The following PARD3B variants were observed in gnomAD, a reference collection of about 807,000 sequenced individuals.
PARD3B encodes partitioning defective 3 homolog B.
PARD3B carries 103 observed loss-of-function variants against 130.2 expected under a neutral mutation model. That is an observed-to-expected ratio of 0.79 (90% CI 0.67 to 0.93). The LOEUF is 0.93. PARD3B is among the 40% of genes least tolerant of loss of function. PARD3B has a pLI of 0.00. For synonymous variants in PARD3B, 583 were observed against 553.2 expected (o/e 1.05, Z -0.76); for missense variants, 1,609 against 1,499.2 (o/e 1.07, Z -1.21).
chr2:205,200,779 TAG>T (rs2036945798), intron 15 of PARD3B, among the ~76,000 whole-genome samples: 2 of 152,136 alleles, frequency 1.3e-5, no homozygotes. Flanking sequence ...CAAATTCAGG[TAG>T]AGAGAATGAC....
At chr2:205,335,946 C>G (rs940613444) in intron 18 of PARD3B, among the ~76,000 whole-genome samples, 1 of 152,230 alleles carries the variant, frequency 6.6e-6, no homozygotes, top group East Asian at 1.9e-4. Context: ...ATTCAATCAC[C>G]TCCCGCCAGT....
At chr2:204,982,879 T>G (rs1185615974) in intron 3 of PARD3B, among the ~76,000 whole-genome samples, 1 of 152,226 alleles carries the variant, frequency 6.6e-6, no homozygotes, top group East Asian at 1.9e-4. Flanking sequence ...GAGCTTGTCT[T>G]TTTTGTCTGA....
chr2:205,088,481 A>G (rs1701878818), intron 4 of PARD3B, among the ~76,000 whole-genome samples: 1 of 152,184 alleles, frequency 6.6e-6, no homozygotes, highest in Non-Finnish European at 1.5e-5. Context: ...TTGAAAAATA[A>G]TGGGAAAGAA....
chr2:205,088,496 A>G (rs1701880516), intron 4 of PARD3B, among the ~76,000 whole-genome samples: 1 of 152,158 alleles, frequency 6.6e-6, no homozygotes, highest in African/African-American at 2.4e-5. Context: ...AAAGAAAACC[A>G]AGCAGTTTTG....
At chr2:205,252,294 G>C (rs370401944) in intron 16 of PARD3B, among the ~76,000 whole-genome samples, 1 of 152,108 alleles carries the variant, frequency 6.6e-6, no homozygotes, top group Non-Finnish European at 1.5e-5. Flanking sequence ...CACAGATATT[G>C]TGTTAAGTGC....
chr2:204,922,309 G>C (rs977470346), intron 2 of PARD3B, among the ~76,000 whole-genome samples: 2 of 152,064 alleles, frequency 1.3e-5, no homozygotes, highest in African/African-American at 4.8e-5. Flanking sequence ...GGGAAAAGTT[G>C]TACCAAAGTG....
chr2:205,598,285 T>C (rs1208907828), intron 22 of PARD3B, among the ~76,000 whole-genome samples: 1 of 151,346 alleles, frequency 6.6e-6, no homozygotes, highest in African/African-American at 2.4e-5. Context: ...ATCTTGCAAA[T>C]GGAAAACAGA....
chr2:204,671,963 A>G (rs568527323), intron 1 of PARD3B, among the ~76,000 whole-genome samples: 24 of 152,296 alleles, frequency 1.6e-4, no homozygotes, highest in East Asian at 3.9e-4. Flanking sequence ...TTATTTTTCT[A>G]TAATTTTTAG....
chr2:205,532,402 G>A (rs549329093), intron 21 of PARD3B, among the ~76,000 whole-genome samples: 10 of 152,226 alleles, frequency 6.6e-5, no homozygotes, highest in African/African-American at 2.4e-4. Context: ...ACTCCAGAAG[G>A]GGTGTGGAAA....
At chr2:204,650,702 A>G (rs550541626) in intron 1 of PARD3B, among the ~76,000 whole-genome samples, 1 of 152,148 alleles carries the variant, frequency 6.6e-6, no homozygotes, top group Admixed American at 6.6e-5. Context: ...AATGATGACA[A>G]CTGTATCAGT....
intron 1 of PARD3B, among the ~76,000 whole-genome samples, chr2:204,614,176 A>G (rs185568066): frequency 6.6e-6 from 1 of 152,186 alleles, no homozygotes; most frequent in Non-Finnish European, 1.5e-5. Flanking sequence ...ATATAATGCA[A>G]ATCAAAAATA....
intron 2 of PARD3B, among the ~76,000 whole-genome samples, chr2:204,825,953 T>C (rs2043554480): frequency 6.6e-6 from 1 of 152,204 alleles, no homozygotes; most frequent in Admixed American, 6.5e-5. Flanking sequence ...TGAGATTGGC[T>C]GTGTGATGAT....
Position 205,584,465 on chromosome 2 carries a change from G to A in PARD3B, c.3261-30991G>A, listed in dbSNP as rs1302930641. On this transcript the variant is annotated intron_variant, in intron 22 of 22. Coordinates refer to ENST00000406610, the MANE Select transcript of PARD3B (RefSeq NM_001302769.2). The surrounding 1 kb of genome is among the most constrained non-coding windows in gnomAD (Gnocchi z 5.5). ...GGCCGAGGCAGGCCGATCACCTGAC[G>A]TCAGGAGTTCGAGACCAGGCTGGCC... 6.6e-6 allele frequency among the ~76,000 whole-genome samples: 1 copy of A among 152,110 alleles called. No homozygotes were observed. Among genetic ancestry groups the A allele is most frequent in the Non-Finnish European group, 1.5e-5 (1 of 68,020 alleles).
At chr2:205,599,007 A>G (rs573910946) in intron 22 of PARD3B, among the ~76,000 whole-genome samples, 5 of 152,336 alleles carry the variant, frequency 3.3e-5, no homozygotes, top group African/African-American at 9.6e-5. Context: ...GCCTACATCA[A>G]GAAGTTAGAA....
At chr2:204,983,603 G>C (rs1484381465) in intron 3 of PARD3B, among the ~76,000 whole-genome samples, 1 of 152,120 alleles carries the variant, frequency 6.6e-6, no homozygotes, top group Non-Finnish European at 1.5e-5. Flanking sequence ...GACTATTGAA[G>C]TTAAAGGGCA....
chr2:205,021,517 G>C lies in PARD3B; in HGVS notation c.395-26064G>C, dbSNP rs1408162930. Among the ~76,000 whole-genome samples the C allele has an allele frequency of 6.6e-6, 1 of 151,980 alleles. No individual in the cohort carries two copies. The highest frequency in any genetic ancestry group is 1.5e-5 in the Non-Finnish European group (1 of 68,014). ...AAGGACTGGTTGCAAAGTGGAACCAGAGTATATTGCAGTTTCACAAGCAGG... is the reference window on the plus strand; with the variant it reads ...AAGGACTGGTTGCAAAGTGGAACCACAGTATATTGCAGTTTCACAAGCAGG... On this transcript the variant is annotated intron_variant, in intron 3 of 22. Coordinates refer to ENST00000406610, the MANE Select transcript of PARD3B (RefSeq NM_001302769.2). The surrounding 1 kb of genome is among the most constrained non-coding windows in gnomAD (Gnocchi z 4.5).
At chr2:204,782,702 C>T (rs73066608) in intron 2 of PARD3B, among the ~76,000 whole-genome samples, 2,557 of 151,836 alleles carry the variant, frequency 0.017, 64 homozygotes, top group African/African-American at 0.057. Flanking sequence ...GCAAGTAAAG[C>T]TATTTCTTAT....
chr2:205,420,227 C>T (rs2106089412), intron 19 of PARD3B, among the ~76,000 whole-genome samples: 1 of 152,290 alleles, frequency 6.6e-6, no homozygotes, highest in Non-Finnish European at 1.5e-5. Context: ...GCATAAGTAT[C>T]TCTGTTCTCT....
At chr2:205,168,675 T>G (rs1344025) in intron 11 of PARD3B, among the ~76,000 whole-genome samples, 1 of 150,984 alleles carries the variant, frequency 6.6e-6, no homozygotes, top group Non-Finnish European at 1.5e-5. Context: ...TTTTTTTTTT[T>G]CCCTCCTCTG....
Sources: allele counts gnomAD v4.1 joint callset (sites outside exome capture counted in the v4.1 genomes callset), GRCh38; gene constraint gnomAD v4.1.1; non-coding constraint Gnocchi (gnomAD v3.1); transcripts MANE v1.5; gene names NCBI Gene and HGNC (gene_info 2026-07-23, HGNC 2026-07-21).